Variants in SLC25A21 observed in about 807,000 individuals in gnomAD.
SLC25A21 encodes the protein mitochondrial 2-oxodicarboxylate carrier.
SLC25A21 carries 47 observed loss-of-function variants against 43.8 expected under a neutral mutation model. The observed-to-expected ratio is 1.07, with a 90% confidence interval of 0.85 to 1.37. SLC25A21 has a LOEUF of 1.37. SLC25A21 is among the 40% of genes most tolerant of loss of function. The probability of loss-of-function intolerance (pLI) is 0.00; values close to 1 mark genes in which losing one functional copy is unlikely to be tolerated. For synonymous variants in SLC25A21, 131 were observed against 121.3 expected (o/e 1.08, Z -0.52); for missense variants, 352 against 350.2 (o/e 1.00, Z -0.04).
intron 3 of SLC25A21, among the ~76,000 whole-genome samples, chr14:36,751,621 A>G (rs1403096410): frequency 1.3e-5 from 2 of 152,216 alleles, no homozygotes; most frequent in Admixed American, 6.5e-5. Flanking sequence ...TATAATCTAT[A>G]CTTTTCATTA....
intron 1 of SLC25A21, among the ~76,000 whole-genome samples, chr14:37,101,746 T>C (rs1962820827): frequency 6.6e-6 from 1 of 152,152 alleles, no homozygotes; most frequent in Non-Finnish European, 1.5e-5. Flanking sequence ...AACACATTTA[T>C]ACAAAAGCCC....
intron 1 of SLC25A21, among the ~76,000 whole-genome samples, chr14:37,030,712 A>G (rs913543291): frequency 1.3e-5 from 2 of 152,180 alleles, no homozygotes; most frequent in African/African-American, 2.4e-5. Context: ...CAGCTTCAGA[A>G]AGAACACACT....
intron 1 of SLC25A21, among the ~76,000 whole-genome samples, chr14:37,127,885 C>T (rs1403918968): frequency 6.6e-6 from 1 of 152,100 alleles, no homozygotes; most frequent in Non-Finnish European, 1.5e-5. Flanking sequence ...ATCAAATTGT[C>T]ATAAAGAGAA....
intron 1 of SLC25A21, among the ~76,000 whole-genome samples, chr14:36,935,196 G>A (rs998026107): frequency 1.3e-5 from 2 of 152,014 alleles, no homozygotes; most frequent in African/African-American, 2.4e-5. Flanking sequence ...TCCAGAATGC[G>A]GCTCTGTCTA....
chr14:37,050,857 T>C (rs1961687805), intron 1 of SLC25A21, among the ~76,000 whole-genome samples: 1 of 152,198 alleles, frequency 6.6e-6, no homozygotes, highest in Non-Finnish European at 1.5e-5. Context: ...ATAATTTCAG[T>C]TTTCCTAACA....
intron 1 of SLC25A21, among the ~76,000 whole-genome samples, chr14:36,981,693 T>TG (rs1960027740): frequency 1.3e-5 from 2 of 150,792 alleles, no homozygotes; most frequent in Admixed American, 1.3e-4. Context: ...TGTCGTGGGG[T>TG]GGGGGGAAAA....
intron 1 of SLC25A21, among the ~76,000 whole-genome samples, chr14:37,134,648 TA>T (rs11347791): frequency 0.77 from 93,988 of 122,578 alleles, 38,250 homozygotes; most frequent in South Asian, 0.93. Context: ...ACTCCATCTC[TA>T]AAAAAAAAAA....
chr14:36,703,921 T>C (rs1883386316), intron 7 of SLC25A21, among the ~76,000 whole-genome samples: 1 of 152,218 alleles, frequency 6.6e-6, no homozygotes, highest in African/African-American at 2.4e-5. Flanking sequence ...TAGTGTGCTT[T>C]ACTTTGAGAA....
At chr14:36,688,586 G>C (rs1348752475) in intron 7 of SLC25A21, among the ~76,000 whole-genome samples, 1 of 152,176 alleles carries the variant, frequency 6.6e-6, no homozygotes, top group Non-Finnish European at 1.5e-5. Flanking sequence ...GCCGCCTTCG[G>C]TCCTACCGCC....
intron 2 of SLC25A21, among the ~76,000 whole-genome samples, chr14:36,866,802 A>C (rs756158719): frequency 3.3e-5 from 5 of 152,234 alleles, no homozygotes; most frequent in Admixed American, 1.3e-4. Context: ...TAAGTGTAAA[A>C]TAGGCAACAG....
At chr14:37,036,979 C>A (rs1961340480) in intron 1 of SLC25A21, among the ~76,000 whole-genome samples, 1 of 152,022 alleles carries the variant, frequency 6.6e-6, no homozygotes, top group Non-Finnish European at 1.5e-5. Context: ...TTACAGGTGG[C>A]CTGGAAAGAA....
chr14:36,750,650 G>A (rs144300930), intron 3 of SLC25A21, among the ~76,000 whole-genome samples: 1 of 152,140 alleles, frequency 6.6e-6, no homozygotes, highest in East Asian at 1.9e-4. Flanking sequence ...TAGGTCTGAG[G>A]GGAAGTTTGA....
At chr14:36,834,841 C>A (rs1889154855) in intron 2 of SLC25A21, among the ~76,000 whole-genome samples, 1 of 152,170 alleles carries the variant, frequency 6.6e-6, no homozygotes, top group African/African-American at 2.4e-5. Context: ...AAAAAAAAAT[C>A]TTTTCCTAGA....
chr14:36,704,689 A>C (rs2139176423), intron 7 of SLC25A21, among the ~76,000 whole-genome samples: 1 of 152,118 alleles, frequency 6.6e-6, no homozygotes, highest in Non-Finnish European at 1.5e-5. Context: ...GAGAAAACAA[A>C]AACAAACAAA....
intron 1 of SLC25A21, among the ~76,000 whole-genome samples, chr14:36,991,303 C>A (rs1237584623): frequency 2.0e-5 from 3 of 152,128 alleles, no homozygotes; most frequent in Non-Finnish European, 2.9e-5. Flanking sequence ...TGTCAGCCCA[C>A]CTTGGTTTTG....
chr14:36,781,505 C>T (rs374441935), intron 3 of SLC25A21, among the ~76,000 whole-genome samples: 2 of 151,986 alleles, frequency 1.3e-5, no homozygotes, highest in East Asian at 1.9e-4. Flanking sequence ...CAGGTTTTTG[C>T]TTTGTGGTTA....
At chr14:37,132,151 T>C (rs750352591) in intron 1 of SLC25A21, among the ~76,000 whole-genome samples, 35 of 152,206 alleles carry the variant, frequency 2.3e-4, no homozygotes, top group Admixed American at 3.9e-4. Context: ...GGGCCAAACT[T>C]ATCCTTTTAT....
intron 1 of SLC25A21, among the ~76,000 whole-genome samples, chr14:37,124,607 C>A (rs1255424380): frequency 6.6e-6 from 1 of 152,142 alleles, no homozygotes; most frequent in Non-Finnish European, 1.5e-5. Flanking sequence ...ATATCAGTAA[C>A]CTCTCTTGGT....
intron 1 of SLC25A21, among the ~76,000 whole-genome samples, chr14:37,152,414 C>T (rs1963774376): frequency 7.2e-6 from 1 of 139,506 alleles, no homozygotes; most frequent in Non-Finnish European, 1.5e-5. Flanking sequence ...CAGAGTCTCG[C>T]TCTCTCACCC....
Sources: gnomAD v4.1 joint callset for allele counts (sites outside exome capture counted in the v4.1 genomes callset) on GRCh38, gnomAD v4.1.1 for gene constraint, MANE v1.5 for transcripts, NCBI Gene and HGNC (gene_info 2026-07-23, HGNC 2026-07-21) for gene names.